The following THBS1 variants were observed in gnomAD, a reference collection of about 807,000 sequenced individuals.
THBS1 encodes the protein thrombospondin-1.
THBS1 carries 29 observed loss-of-function variants against 126.1 expected under a neutral mutation model. The ratio of observed to expected loss-of-function variants is 0.23; its 90% CI spans 0.17 to 0.31. The LOEUF (loss-of-function observed/expected upper bound fraction) is 0.31, where lower values mean the gene tolerates loss of function less well. THBS1 is among the 10% of genes least tolerant of loss of function. THBS1 has a pLI of 1.00. For synonymous variants in THBS1, 496 were observed against 577.8 expected (o/e 0.86, Z 2.03); for missense variants, 1,198 against 1,545.2 (o/e 0.78, Z 3.77).
rs1185180760 is a variant in THBS1, at chr15:39,581,938, G to C, written c.67+14G>C. The C allele has an allele frequency of 6.2e-7, 1 of 1,613,936 alleles. No individual in the cohort carries two copies. The highest frequency in any genetic ancestry group is 2.2e-5 in the East Asian group (1 of 44,870). ...ACCGCATTCCAGGTGAGTTTGTGTG[G>C]CACCTTTAGGGGAAGGAGGGACAAG... On this transcript the variant is annotated intron_variant, in intron 2 of 21. Coordinates refer to ENST00000260356, the MANE Select transcript of THBS1 (RefSeq NM_003246.4).
rs188322897 is a variant in THBS1, at chr15:39,589,035, T to C, written c.1722T>C (p.Ala574=). ...CTGATGGCAGCTGGAAATGTGGTGC[T>C]TGTCCCCCTGGTTACAGTGGAAATG... ...SYPDGSWKCG[A]CPPGYSGNGI... is the part of the protein sequence containing the mutation. Residue 574 remains alanine, a synonymous_variant, in exon 11 of 22, where the codon GCT becomes GCC. Transcript: ENST00000260356. The surrounding 1 kb of genome is among the most constrained non-coding windows in gnomAD (Gnocchi z 4.7). 84 of 1,614,160 alleles carry C rather than the reference T, an allele frequency of 5.2e-5. 1 individual carries two copies. The Admixed American group carries it at 1.4e-3, about 27-fold the overall frequency.
At chr15:39,587,217 C>T (rs2140346052) in intron 7 of THBS1, 130 bp from the exon 8 acceptor site, 1 of 830,894 alleles carries the variant, frequency 1.2e-6, no homozygotes, top group East Asian at 2.7e-5. Context: ...AATTATACCT[C>T]AGTAAAGCCA....
chr15:39,588,008 A>G, intron 8 of THBS1, 34 bp from the exon 9 acceptor site: 1 of 1,601,372 alleles, frequency 6.2e-7, no homozygotes, highest in East Asian at 2.2e-5. Context: ...TCTCTAAGCC[A>G]AAACCATTTG....
At position 39,595,554 on chromosome 15, in the gene THBS1, C is replaced by T. The variant is rs1890420883; in HGVS notation, c.*185C>T. The T allele has an allele frequency of 2.9e-6, 2 of 686,452 alleles. No individual in the cohort carries two copies. The allele number at this position is 686,452 out of a possible 1,614,324, so 42.5% of individuals were successfully genotyped here. A position where few individuals can be genotyped will look rare whatever the true frequency, so the allele number is the denominator to read the frequency against. ...AGAAAATGCAGTTTTCAAAAACAGA[C>T]TCAGCATTCAGCCTCCAATGAATAA... On this transcript the variant is annotated 3_prime_UTR_variant, in exon 22 of 22. Coordinates refer to ENST00000260356, the MANE Select transcript of THBS1 (RefSeq NM_003246.4).
Position 39,590,588 on chromosome 15 carries a change from G to C in THBS1, c.2218G>C (p.Asp740His), listed in dbSNP as rs145729057. The part of the protein sequence containing the change: ...DKDGIGDACD[D>H]DDDNDKIPDD... ...GGATGGAATTGGTGATGCCTGTGAT[G>C]ATGACGATGACAATGATAAAATTCC... Residue 740 changes from aspartate to histidine, a missense_variant, in exon 14 of 22, where the codon GAT becomes CAT. Around this residue, in one of 4 missense-constraint regions of THBS1, gnomAD observed 663 missense variants for 860.1 expected, o/e 0.77. Coordinates refer to ENST00000260356, the MANE Select transcript of THBS1 (RefSeq NM_003246.4). 5.6e-6 allele frequency: 9 copies of C among 1,613,724 alleles called. No homozygotes were observed. The African/African-American group carries it at 1.2e-4, about 22-fold the overall frequency.
In THBS1 at chr15:39,594,516, G is replaced by A. The variant is rs1890394910; in HGVS notation, c.3505+76G>A. The A allele has an allele frequency of 3.2e-6, 5 of 1,561,244 alleles. No homozygotes were observed. In the African/African-American group the frequency reaches 5.5e-5, roughly 17 times the overall value. ...AATATCAAGGATGACGGTTATGGGG[G>A]AGTCCAGTGTAAAGACTGTTTTGGA... On this transcript the variant is annotated intron_variant, in intron 21 of 21. Transcript: ENST00000260356. This position sits in a 1 kb window ranked among gnomAD's most constrained non-coding sequence, Gnocchi z 4.4.
rs1054051464 is a variant in THBS1, at chr15:39,594,994, G to A, written c.3506-368G>A. Reference sequence around the variant, plus strand: ...AATAAGTGCTTAATATATATTTACTGGGCCAAGGCCAGATACCTAAAAGAT... The same window carrying A: ...AATAAGTGCTTAATATATATTTACTAGGCCAAGGCCAGATACCTAAAAGAT... On this transcript the variant is annotated intron_variant, in intron 21 of 21. Coordinates refer to ENST00000260356, the MANE Select transcript of THBS1 (RefSeq NM_003246.4). The surrounding 1 kb of genome is among the most constrained non-coding windows in gnomAD (Gnocchi z 4.4). Among the ~76,000 whole-genome samples the A allele has an allele frequency of 6.6e-6, 1 of 152,016 alleles. No homozygotes were observed. Among genetic ancestry groups the A allele is most frequent in the African/African-American group, 2.4e-5 (1 of 41,378 alleles).
chr15:39,588,396 C>T, intron 9 of THBS1, 130 bp from the exon 10 acceptor site: 1 of 1,323,158 alleles, frequency 7.6e-7, no homozygotes, highest in East Asian at 2.5e-5. Flanking sequence ...AACAAACTCA[C>T]CCTCTTCCCC....
chr15:39,597,115 A>G lies in THBS1; in HGVS notation c.*1746A>G, dbSNP rs927123522. 1 of 152,142 alleles carries G rather than the reference A, an allele frequency of 6.6e-6. No individual in the cohort carries two copies. Among genetic ancestry groups the G allele is most frequent in the African/African-American group, 2.4e-5 (1 of 41,454 alleles). The allele number at this position is 152,142 out of a possible 1,614,324, so 9.4% of individuals were successfully genotyped here. ...TCTGGTATACCATTGCTTTATTTTT[A>G]TAAATTATTTTCTCATTGCCATTGG... On this transcript the variant is annotated 3_prime_UTR_variant, in exon 22 of 22. Transcript: ENST00000260356.
chr15:39,597,280 G>GTTTTTTTTTTTTTTTTTTTTTGTTTTTTT lies in THBS1; in HGVS notation c.*1933_*1934insTTTTTTTTTTTTTTTTTTTTTTTTTTTTG, dbSNP rs1890482131. ...GTTGGTTTTTTCTTTTTTTTGTTTT[G>GTTTTTTTTTTTTTTTTTTTTTGTTTTTTT]TTTTTTTTTTTTTTTTTTTTTGCTT... On this transcript the variant is annotated 3_prime_UTR_variant, in exon 22 of 22. Coordinates refer to ENST00000260356, the MANE Select transcript of THBS1 (RefSeq NM_003246.4). 1 of 48,044 alleles carries GTTTTTTTTTTTTTTTTTTTTTGTTTTTTT rather than the reference G, an allele frequency of 2.1e-5. No homozygotes were observed. Among genetic ancestry groups the GTTTTTTTTTTTTTTTTTTTTTGTTTTTTT allele is most frequent in the African/African-American group, 8.0e-5 (1 of 12,474 alleles). The allele number at this position is 48,044 out of a possible 1,614,324, so 3.0% of individuals were successfully genotyped here.
In THBS1 at chr15:39,589,196, C is replaced by T. The variant is rs1157393542; in HGVS notation, c.1774-6C>T. ...AACATGATGCACGCTCTTATTTCCT[C>T]CATAGTGCAAAGAAGTGCCTGATGC... On this transcript the variant is annotated splice_polypyrimidine_tract_variant and splice_region_variant and intron_variant, in intron 11 of 21. Transcript: ENST00000260356. The surrounding 1 kb of genome is among the most constrained non-coding windows in gnomAD (Gnocchi z 4.7). 2 of 1,614,006 alleles carry T rather than the reference C, an allele frequency of 1.2e-6. No individual in the cohort carries two copies. The highest frequency in any genetic ancestry group is 1.7e-6 in the Non-Finnish European group (2 of 1,180,026).
Position 39,589,842 on chromosome 15 carries a change from A to G in THBS1, c.1964A>G (p.His655Arg). 3 of 1,614,064 alleles carry G rather than the reference A, an allele frequency of 1.9e-6. No individual in the cohort carries two copies. The highest frequency in any genetic ancestry group is 2.5e-6 in the Non-Finnish European group (3 of 1,179,964). ...CGTAACCCCTGCACGGATGGGACCC[A>G]CGACTGCAACAAGAACGCCAAGTGC... ...KPRNPCTDGT[H>R]DCNKNAKCNY... The change falls in exon 13 of 22, where the codon CAC (histidine) becomes CGC (arginine). Residue 655 changes from histidine (H) to arginine (R), a missense_variant. Physicochemically the swap from His to Arg is conservative, Grantham distance 29. Transcript: ENST00000260356. This position sits in a 1 kb window ranked among gnomAD's most constrained non-coding sequence, Gnocchi z 4.7.
Position 39,595,478 on chromosome 15 carries a change from C to A in THBS1, c.*109C>A. On this transcript the variant is annotated 3_prime_UTR_variant, in exon 22 of 22. Transcript: ENST00000260356. ...AGGATCACTTCTCCTTGGCTTCCTT[C>A]TTTTCTGTGCTTGCATCAGTGTGGA... 1 of 1,383,452 alleles carries A rather than the reference C, an allele frequency of 7.2e-7. No homozygotes were observed. Among genetic ancestry groups the A allele is most frequent in the Non-Finnish European group, 9.7e-7 (1 of 1,036,116 alleles). 85.7% of individuals were successfully genotyped at this position (1,383,452 alleles called of 1,614,324 possible).
chr15:39,592,816 G>C lies in THBS1; in HGVS notation c.2767+14G>C. 1.9e-6 allele frequency: 3 copies of C among 1,607,030 alleles called. No individual in the cohort carries two copies. The African/African-American group carries it at 4.0e-5, about 21-fold the overall frequency. On this transcript the variant is annotated intron_variant, in intron 17 of 21. Coordinates refer to ENST00000260356, the MANE Select transcript of THBS1 (RefSeq NM_003246.4). This position sits in a 1 kb window ranked among gnomAD's most constrained non-coding sequence, Gnocchi z 4.3. ...AGGACTCTGACGGTGAGTCATGGGA[G>C]CCACTTTCTAAGACAGGGACTGCTG...
chr15:39,593,728 A>T lies in THBS1; in HGVS notation c.3267+60A>T, dbSNP rs1890376446. The T allele has an allele frequency of 6.3e-7, 1 of 1,580,432 alleles. No individual in the cohort carries two copies. Among genetic ancestry groups the T allele is most frequent in the Non-Finnish European group, 8.6e-7 (1 of 1,162,614 alleles). ...TATGGGTGCCTGACTAGCACTGGGGATGCTGTGCTTTGACCAAGACTCTGA... is the reference window on the plus strand; with the variant it reads ...TATGGGTGCCTGACTAGCACTGGGGTTGCTGTGCTTTGACCAAGACTCTGA... On this transcript the variant is annotated intron_variant, in intron 19 of 21. Transcript: ENST00000260356. The surrounding 1 kb of genome is among the most constrained non-coding windows in gnomAD (Gnocchi z 5.9).
In THBS1 at chr15:39,582,254, G is replaced by A. The variant is rs866940461; in HGVS notation, c.129G>A (p.Gly43=). 2.5e-6 allele frequency: 4 copies of A among 1,614,132 alleles called. No homozygotes were observed. Among genetic ancestry groups the A allele is most frequent in the Middle Eastern group, 3.3e-4 (2 of 6,062 alleles). ...IFELTGAARK[G]SGRRLVKGPD... ...AACTCACCGGGGCCGCCCGCAAGGG[G>A]TCTGGGCGCCGACTGGTGAAGGGCC... Residue 43 remains glycine (G), a synonymous_variant, in exon 3 of 22, where the codon GGG becomes GGA. Transcript: ENST00000260356.
In THBS1 at chr15:39,589,414, T is replaced by G; in HGVS notation, c.1926+60T>G. 1 of 1,586,630 alleles carries G rather than the reference T, an allele frequency of 6.3e-7. No individual in the cohort carries two copies. The highest frequency in any genetic ancestry group is 8.6e-7 in the Non-Finnish European group (1 of 1,164,672). On this transcript the variant is annotated intron_variant, in intron 12 of 21. Transcript: ENST00000260356. This position sits in a 1 kb window ranked among gnomAD's most constrained non-coding sequence, Gnocchi z 4.7. ...GAGAGCTGTCCTTGACCAAAATAAC[T>G]GGGAGCGGGAGGAATGTAATTTCAT...
At position 39,594,585 on chromosome 15, in the gene THBS1, A is replaced by G; in HGVS notation, c.3505+145A>G. 1.9e-6 allele frequency: 2 copies of G among 1,042,772 alleles called. No homozygotes were observed. The highest frequency in any genetic ancestry group is 2.7e-6 in the Non-Finnish European group (2 of 727,568). The allele number at this position is 1,042,772 out of a possible 1,614,324, so 64.6% of individuals were successfully genotyped here. On this transcript the variant is annotated intron_variant, in intron 21 of 21. Transcript: ENST00000260356. This position sits in a 1 kb window ranked among gnomAD's most constrained non-coding sequence, Gnocchi z 4.4. ...TTGCTTTTGAGGACACAAGGACAAA[A>G]ATGGAATAATGCCTAGGCACTGTGG... is the stretch of plus-strand genomic sequence containing the variant.
In THBS1 at chr15:39,597,855, T is replaced by C. The variant is rs1038284968; in HGVS notation, c.*2486T>C. On this transcript the variant is annotated 3_prime_UTR_variant, in exon 22 of 22. Transcript: ENST00000260356. ...ACGCAACTCTCACAGCGACATTTTC[T>C]GACCCACGAATGATGCCTTGGGTGG... is the stretch of plus-strand genomic sequence containing the variant. 2.0e-5 allele frequency: 3 copies of C among 152,224 alleles called. No individual in the cohort carries two copies. The highest frequency in any genetic ancestry group is 7.2e-5 in the African/African-American group (3 of 41,456). 9.4% of individuals were successfully genotyped at this position (152,224 alleles called of 1,614,324 possible).
Sources: gnomAD v4.1 joint callset for allele counts (sites outside exome capture counted in the v4.1 genomes callset) on GRCh38, gnomAD v4.1.1 for gene constraint, gnomAD v4.1.1 regional missense constraint, Gnocchi (gnomAD v3.1) non-coding constraint, MANE v1.5 for transcripts, NCBI Gene and HGNC (gene_info 2026-07-23, HGNC 2026-07-21) for gene names.